RARB: variants seen among roughly 807,000 people sequenced by gnomAD.
The protein encoded by RARB is HBV-activated protein.
Under a neutral mutation model 51.9 loss-of-function variants are expected in RARB, and 17 were observed. That is an observed-to-expected ratio of 0.33 (90% CI 0.22 to 0.49). The LOEUF (loss-of-function observed/expected upper bound fraction) is 0.49. RARB is among the 20% of genes least tolerant of loss of function. RARB has a pLI of 0.99. For missense variants in RARB, 369 were observed against 550.8 expected (o/e 0.67, Z 3.30); for synonymous variants, 215 against 195.4 (o/e 1.10, Z -0.84).
rs796909356 is a variant in RARB at position 25,413,024 on chromosome 3, GA to G, written c.179-48157del. On this transcript the variant is annotated intron_variant, in intron 5 of 11. Coordinates refer to the RARB transcript ENST00000383772. The stretch of plus-strand genomic sequence containing the variant: ...ACAAGAGCAAAATTCCATCTTGGGG[GA>G]AAAAAAAAAAAGAAGAAGAAGAAAG... Among the ~76,000 whole-genome samples, 1,255 of 140,292 alleles carry G rather than the reference GA, an allele frequency of 8.9e-3. 13 individuals are homozygous for G. The highest frequency in any genetic ancestry group is 0.024 in the African/African-American group (911 of 38,552). 92.0% of individuals were successfully genotyped at this position (140,292 alleles called of 152,430 possible).
chr3:24,967,331 A>C (rs930127852), intron 2 of RARB, among the ~76,000 whole-genome samples: 4 of 152,156 alleles, frequency 2.6e-5, no homozygotes, highest in Non-Finnish European at 5.9e-5. Flanking sequence ...AAGCCAGATT[A>C]TCTCTCAAGG....
chr3:24,870,648 T>C (rs1388894849), intron 2 of RARB, among the ~76,000 whole-genome samples: 1 of 152,136 alleles, frequency 6.6e-6, no homozygotes, highest in Non-Finnish European at 1.5e-5. Context: ...TTATCTGTGA[T>C]TCTTGTTCTC....
At chr3:25,243,345 G>C (rs1168452267) in intron 5 of RARB, among the ~76,000 whole-genome samples, 3 of 152,142 alleles carry the variant, frequency 2.0e-5, no homozygotes, top group African/African-American at 7.2e-5. Flanking sequence ...TCAATACTGT[G>C]TTGAATAGGA....
At chr3:25,560,216 G>A (rs1466898034) in intron 3 of RARB, among the ~76,000 whole-genome samples, 1 of 152,154 alleles carries the variant, frequency 6.6e-6, no homozygotes, top group Admixed American at 6.5e-5. Flanking sequence ...GAATCACTTA[G>A]GGGTATATAG....
chr3:24,962,544 G>T (rs1345892117), intron 2 of RARB, among the ~76,000 whole-genome samples: 1 of 152,154 alleles, frequency 6.6e-6, no homozygotes, highest in Non-Finnish European at 1.5e-5. Context: ...TTAGGAACTA[G>T]GCCGCACAGC....
intron 5 of RARB, among the ~76,000 whole-genome samples, chr3:25,373,160 T>C (rs755233968): frequency 3.3e-5 from 5 of 152,164 alleles, no homozygotes; most frequent in Non-Finnish European, 5.9e-5. Context: ...TACAGAAGTC[T>C]AGAGTTGAGG....
chr3:24,967,958 T>C (rs563035353), intron 2 of RARB, among the ~76,000 whole-genome samples: 2 of 152,236 alleles, frequency 1.3e-5, no homozygotes, highest in South Asian at 4.1e-4. Flanking sequence ...TCATTAGAGT[T>C]TCCGGAAGCA....
rs1701950547 is a variant in RARB, at chr3:25,597,910, G to GAATAA, written c.*1299_*1303dup. The GAATAA allele has an allele frequency of 6.5e-6, 1 of 153,466 alleles. No individual in the cohort carries two copies. The highest frequency in any genetic ancestry group is 6.5e-5 in the Admixed American group (1 of 15,296). 9.5% of individuals were successfully genotyped at this position (153,466 alleles called of 1,614,324 possible). ...TTTTTCCATGGAGTCTCCTGGCAAA[G>GAATAA]AATAAAATATATTTATTTTAAAGGT... is the stretch of plus-strand genomic sequence containing the variant. On this transcript the variant is annotated 3_prime_UTR_variant, in exon 8 of 8. Coordinates refer to ENST00000330688, the MANE Select transcript of RARB (RefSeq NM_000965.5).
chr3:25,090,351 A>G (rs1343550367), intron 3 of RARB, among the ~76,000 whole-genome samples: 1 of 152,112 alleles, frequency 6.6e-6, no homozygotes, highest in Non-Finnish European at 1.5e-5. Context: ...TTTTTCTAAC[A>G]GCTTTGCATT....
At chr3:25,106,964 G>C (rs542596311) in intron 3 of RARB, among the ~76,000 whole-genome samples, 1 of 151,728 alleles carries the variant, frequency 6.6e-6, no homozygotes, top group East Asian at 2.0e-4. Context: ...CCAGTGGCAC[G>C]ATCTCAGCTC....
intron 5 of RARB, among the ~76,000 whole-genome samples, chr3:25,255,833 C>T (rs889000703): frequency 2.0e-5 from 3 of 152,050 alleles, no homozygotes; most frequent in Non-Finnish European, 4.4e-5. Context: ...ACCCTTGAGT[C>T]AAGTGTGTAT....
At chr3:24,910,738 T>C (rs1483518228) in intron 2 of RARB, among the ~76,000 whole-genome samples, 2 of 152,176 alleles carry the variant, frequency 1.3e-5, no homozygotes, top group East Asian at 3.9e-4. Flanking sequence ...GTCTTCATTA[T>C]AGTCAACCCG....
intron 5 of RARB, among the ~76,000 whole-genome samples, chr3:25,318,105 A>G (rs1223175401): frequency 6.6e-6 from 1 of 152,212 alleles, no homozygotes; most frequent in Non-Finnish European, 1.5e-5. Flanking sequence ...GTAATAATCT[A>G]GTACACTTTT....
chr3:25,329,204 T>A (rs925206436), intron 5 of RARB, among the ~76,000 whole-genome samples: 6 of 152,166 alleles, frequency 3.9e-5, no homozygotes, highest in Admixed American at 3.9e-4. Context: ...GTTTGAGATC[T>A]GAGAATGGAC....
At chr3:24,848,305 C>T (rs911041939) in intron 1 of RARB, among the ~76,000 whole-genome samples, 3 of 152,188 alleles carry the variant, frequency 2.0e-5, no homozygotes, top group Non-Finnish European at 2.9e-5. Flanking sequence ...AAGTGATCTG[C>T]ATGCCTCGGC....
chr3:25,570,980 C>T (rs554649405), intron 4 of RARB, among the ~76,000 whole-genome samples: 72 of 149,910 alleles, frequency 4.8e-4, no homozygotes, highest in Middle Eastern at 3.5e-3. Flanking sequence ...GGCTTTGGAG[C>T]AGTTCTTGGT....
At chr3:24,897,355 G>A (rs995728588) in intron 2 of RARB, among the ~76,000 whole-genome samples, 1 of 152,150 alleles carries the variant, frequency 6.6e-6, no homozygotes, top group African/African-American at 2.4e-5. Context: ...GACAGCATGT[G>A]TAGTGTAGTT....
chr3:25,246,137 C>T (rs974393832), intron 5 of RARB, among the ~76,000 whole-genome samples: 3 of 151,964 alleles, frequency 2.0e-5, no homozygotes, highest in Non-Finnish European at 4.4e-5. Flanking sequence ...GTATGCTTCA[C>T]AAAGTTCTTG....
chr3:25,184,081 TTAA>T (rs1700921126), intron 5 of RARB, among the ~76,000 whole-genome samples: 1 of 152,136 alleles, frequency 6.6e-6, no homozygotes, highest in South Asian at 2.1e-4. Context: ...TCTTTTTATG[TTAA>T]TCAGATGAAT....
Sources: allele counts gnomAD v4.1 joint callset (sites outside exome capture counted in the v4.1 genomes callset), GRCh38; gene constraint gnomAD v4.1.1; transcripts MANE v1.5; gene names NCBI Gene and HGNC (gene_info 2026-07-23, HGNC 2026-07-21).